CSNK2A2IP: variants seen among roughly 807,000 people sequenced by gnomAD.
CSNK2A2IP encodes the protein casein kinase 2 subunit alpha' interacting protein.
chr3:88,372,702 C>A, the CSNK2A2IP span, among the ~76,000 whole-genome samples: 2 of 151,240 alleles, frequency 1.3e-5, no homozygotes, highest in African/African-American at 4.8e-5. Context: ...AAAGCAAGAC[C>A]CACATATATC....
the CSNK2A2IP span, chr3:88,465,796 G>T: frequency 2.4e-6 from 3 of 1,231,602 alleles, no homozygotes; most frequent in Non-Finnish European, 3.0e-6. Flanking sequence ...CAATCAAGCA[G>T]CCCTGAGTTT....
chr3:88,423,155 G>A, the CSNK2A2IP span, among the ~76,000 whole-genome samples: 2 of 152,150 alleles, frequency 1.3e-5, no homozygotes, highest in South Asian at 2.1e-4. Context: ...CATCAGTTGA[G>A]CAATCCTAAG....
At chr3:88,443,532 C>T in the CSNK2A2IP span, among the ~76,000 whole-genome samples, 2 of 151,870 alleles carry the variant, frequency 1.3e-5, no homozygotes, top group African/African-American at 2.4e-5. Flanking sequence ...AGGAGAGAGC[C>T]GAGGAGAGGA....
the CSNK2A2IP span, among the ~76,000 whole-genome samples, chr3:88,376,510 G>C: frequency 1.3e-5 from 2 of 151,734 alleles, no homozygotes; most frequent in Non-Finnish European, 2.9e-5. Context: ...CTCCAAGGCT[G>C]AGTTCTTCTC....
At chr3:88,390,550 A>G in the CSNK2A2IP span, among the ~76,000 whole-genome samples, 1 of 152,190 alleles carries the variant, frequency 6.6e-6, no homozygotes, top group East Asian at 1.9e-4. Flanking sequence ...CAAATATTTG[A>G]TGAGAAAAAA....
the CSNK2A2IP span, chr3:88,466,768 T>C: frequency 3.5e-6 from 3 of 854,852 alleles, no homozygotes; most frequent in Non-Finnish European, 4.7e-6. Context: ...TCGCTTGTCA[T>C]CAAATTATGT....
the CSNK2A2IP span, among the ~76,000 whole-genome samples, chr3:88,360,945 AAAC>A: frequency 1.1e-4 from 16 of 152,182 alleles, no homozygotes; most frequent in African/African-American, 3.4e-4. Flanking sequence ...ATAAACAAAC[AAAC>A]AACAACAAAA....
the CSNK2A2IP span, among the ~76,000 whole-genome samples, chr3:88,353,497 T>A: frequency 1.3e-5 from 2 of 152,142 alleles, no homozygotes; most frequent in Non-Finnish European, 2.9e-5. Context: ...GAAGCATATG[T>A]CAAGAGGGAG....
chr3:88,376,359 T>TA, the CSNK2A2IP span, among the ~76,000 whole-genome samples: 4 of 149,236 alleles, frequency 2.7e-5, no homozygotes, highest in African/African-American at 4.9e-5. Flanking sequence ...AGCAAATATA[T>TA]TTTTTTTTTG....
At chr3:88,449,634 A>AC in the CSNK2A2IP span, among the ~76,000 whole-genome samples, 1 of 148,696 alleles carries the variant, frequency 6.7e-6, no homozygotes, top group African/African-American at 2.5e-5. Context: ...TTCCCCTGCA[A>AC]CCCCCCATGT....
chr3:88,348,546 C>A, the CSNK2A2IP span, among the ~76,000 whole-genome samples: 5 of 152,092 alleles, frequency 3.3e-5, no homozygotes, highest in Non-Finnish European at 7.4e-5. Context: ...TAAATGTCAT[C>A]TAAGTAAGAC....
the CSNK2A2IP span, among the ~76,000 whole-genome samples, chr3:88,396,295 C>T: frequency 6.6e-6 from 1 of 151,448 alleles, no homozygotes; most frequent in Non-Finnish European, 1.5e-5. Flanking sequence ...TTAGTAGAGA[C>T]GGGGTTTCAC....
the CSNK2A2IP span, among the ~76,000 whole-genome samples, chr3:88,451,563 T>G: frequency 1.3e-5 from 2 of 151,986 alleles, no homozygotes; most frequent in South Asian, 2.1e-4. Context: ...TTCTACCTAA[T>G]GTTCCTTAAA....
At chr3:88,411,340 CTCTA>C in the CSNK2A2IP span, among the ~76,000 whole-genome samples, 85 of 149,072 alleles carry the variant, frequency 5.7e-4, 1 homozygote, top group African/African-American at 1.4e-3. Context: ...AGCTCACTCA[CTCTA>C]TCTATCATCT....
the CSNK2A2IP span, among the ~76,000 whole-genome samples, chr3:88,433,682 G>A: frequency 7.2e-5 from 11 of 152,308 alleles, no homozygotes; most frequent in South Asian, 1.9e-3. Flanking sequence ...TAAAAGAGCC[G>A]TGGCTGCAGC....
the CSNK2A2IP span, among the ~76,000 whole-genome samples, chr3:88,426,136 C>T: frequency 6.6e-6 from 1 of 152,092 alleles, no homozygotes; most frequent in East Asian, 1.9e-4. Flanking sequence ...ATTTATAAAA[C>T]ATTGTTTTTG....
At chr3:88,351,248 T>A in the CSNK2A2IP span, among the ~76,000 whole-genome samples, 50 of 152,202 alleles carry the variant, frequency 3.3e-4, no homozygotes, top group African/African-American at 1.1e-3. Context: ...GAAAACTTCA[T>A]TCATATTAAA....
the CSNK2A2IP span, among the ~76,000 whole-genome samples, chr3:88,451,117 T>C: frequency 6.6e-6 from 1 of 152,126 alleles, no homozygotes; most frequent in African/African-American, 2.4e-5. Context: ...TTTATTTTAA[T>C]TGACAAATAA....
At chr3:88,387,694 T>C in the CSNK2A2IP span, among the ~76,000 whole-genome samples, 1 of 152,184 alleles carries the variant, frequency 6.6e-6, no homozygotes, top group Non-Finnish European at 1.5e-5. Flanking sequence ...CTAGCATATA[T>C]CAAAAATAAT....
Sources: gnomAD v4.1 joint callset for allele counts (sites outside exome capture counted in the v4.1 genomes callset) on GRCh38, gnomAD v4.1.1 for gene constraint, MANE v1.5 for transcripts, NCBI Gene and HGNC (gene_info 2026-07-23, HGNC 2026-07-21) for gene names.